Variants in AP3B1 observed in about 807,000 individuals in gnomAD.
AP3B1 encodes the protein AP-3 complex subunit beta-1.
In AP3B1, 61 loss-of-function variants were observed where a neutral mutation model predicts 132.5. That is an observed-to-expected ratio of 0.46 (90% confidence interval 0.37 to 0.57). The LOEUF (loss-of-function observed/expected upper bound fraction) is 0.57. Among genes scored for constraint, AP3B1 ranks in the 20% least tolerant of loss-of-function variants. The pLI is 0.00. For synonymous variants in AP3B1, 388 were observed against 438.3 expected (o/e 0.89, Z 1.43); for missense variants, 1,120 against 1,289.4 (o/e 0.87, Z 2.01).
chr5:78,003,276 C>A (rs1746259035), intron 26 of AP3B1, among the ~76,000 whole-genome samples: 1 of 152,098 alleles, frequency 6.6e-6, no homozygotes, highest in African/African-American at 2.4e-5. Context: ...ACATTTAAAA[C>A]AGAACAGAAA....
intron 12 of AP3B1, 110 bp from the exon 13 acceptor site, chr5:78,163,061 C>T (rs1276427807): frequency 2.0e-6 from 2 of 1,020,180 alleles, no homozygotes; most frequent in African/African-American, 3.2e-5. Context: ...ACATAAACTT[C>T]TCATAAGCAC....
At chr5:78,124,118 T>A (rs543965453) in intron 17 of AP3B1, among the ~76,000 whole-genome samples, 1 of 152,102 alleles carries the variant, frequency 6.6e-6, no homozygotes, top group African/African-American at 2.4e-5. Context: ...AAACACCACA[T>A]GTTCTCACTC....
intron 20 of AP3B1, among the ~76,000 whole-genome samples, chr5:78,108,126 C>G (rs1272523583): frequency 1.3e-5 from 2 of 151,820 alleles, no homozygotes; most frequent in Non-Finnish European, 2.9e-5. Context: ...ATGCTCAGTG[C>G]CCTCAAAACA....
intron 21 of AP3B1, among the ~76,000 whole-genome samples, chr5:78,095,724 T>C (rs1475451921): frequency 6.6e-6 from 1 of 152,196 alleles, no homozygotes; most frequent in Non-Finnish European, 1.5e-5. Context: ...CTAAATTCTA[T>C]TTATCTATTA....
At chr5:78,137,435 T>C (rs1383083607) in intron 15 of AP3B1, among the ~76,000 whole-genome samples, 1 of 152,178 alleles carries the variant, frequency 6.6e-6, no homozygotes, top group Non-Finnish European at 1.5e-5. Flanking sequence ...TCCTTAACTT[T>C]CCAATGTCTG....
At chr5:78,111,439 G>C (rs1751587374) in intron 19 of AP3B1, among the ~76,000 whole-genome samples, 1 of 152,094 alleles carries the variant, frequency 6.6e-6, no homozygotes, top group Non-Finnish European at 1.5e-5. Flanking sequence ...GTCCACTGGA[G>C]GATACAGATA....
chr5:78,195,751 T>C (rs1051409671), intron 7 of AP3B1, among the ~76,000 whole-genome samples: 5 of 151,640 alleles, frequency 3.3e-5, no homozygotes, highest in Non-Finnish European at 7.4e-5. Flanking sequence ...ACCCGGGAGG[T>C]GGAGGCTGCA....
At chr5:78,287,951 A>T (rs1281239943) in intron 1 of AP3B1, among the ~76,000 whole-genome samples, 1 of 152,216 alleles carries the variant, frequency 6.6e-6, no homozygotes, top group African/African-American at 2.4e-5. Context: ...GTATAACAGT[A>T]TGCTGACAAA....
chr5:78,170,860 T>G (rs951781152), intron 11 of AP3B1, among the ~76,000 whole-genome samples: 1 of 152,214 alleles, frequency 6.6e-6, no homozygotes. Flanking sequence ...GTTTTTATGG[T>G]TTTAGCTCTA....
At chr5:78,160,568 C>T (rs1302323070) in intron 13 of AP3B1, among the ~76,000 whole-genome samples, 1 of 151,930 alleles carries the variant, frequency 6.6e-6, no homozygotes, top group East Asian at 1.9e-4. Context: ...AACAATTGAG[C>T]CTAAATGTCC....
chr5:78,164,152 T>C (rs1369462428), intron 12 of AP3B1, among the ~76,000 whole-genome samples: 1 of 152,062 alleles, frequency 6.6e-6, no homozygotes, highest in African/African-American at 2.4e-5. Context: ...TTAATTTCCT[T>C]AAAGAAAAAT....
At chr5:78,183,841 T>G (rs1744478508) in intron 7 of AP3B1, among the ~76,000 whole-genome samples, 1 of 134,192 alleles carries the variant, frequency 7.5e-6, no homozygotes, top group Non-Finnish European at 1.5e-5. Context: ...CCCTCCAGCC[T>G]GGGCAACAAG....
At chr5:78,024,532 G>A (rs1036998748) in intron 24 of AP3B1, among the ~76,000 whole-genome samples, 1 of 150,690 alleles carries the variant, frequency 6.6e-6, no homozygotes, top group Non-Finnish European at 1.5e-5. Flanking sequence ...TGGGACTACA[G>A]GCACATGCCA....
intron 23 of AP3B1, among the ~76,000 whole-genome samples, chr5:78,036,400 G>T (rs1747808615): frequency 6.6e-6 from 1 of 152,078 alleles, no homozygotes; most frequent in African/African-American, 2.4e-5. Flanking sequence ...TGTAGAAGTG[G>T]CTGAAAAACA....
chr5:78,071,707 T>C (rs1749550469), intron 22 of AP3B1, among the ~76,000 whole-genome samples: 1 of 152,188 alleles, frequency 6.6e-6, no homozygotes, highest in South Asian at 2.1e-4. Context: ...ACCTATTATG[T>C]ATTAAGCACT....
intron 1 of AP3B1, among the ~76,000 whole-genome samples, chr5:78,292,500 G>A (rs540809446): frequency 6.6e-6 from 1 of 152,106 alleles, no homozygotes; most frequent in Non-Finnish European, 1.5e-5. Context: ...TCTAATATTA[G>A]AGCCCCTGAG....
At chr5:78,204,869 T>C (rs2112458024) in intron 7 of AP3B1, among the ~76,000 whole-genome samples, 1 of 152,308 alleles carries the variant, frequency 6.6e-6, no homozygotes, top group Middle Eastern at 3.4e-3. Flanking sequence ...CTTAAATGTT[T>C]GAATGGTTGC....
chr5:78,270,485 T>TAA (rs1748503398), intron 1 of AP3B1, among the ~76,000 whole-genome samples: 1 of 152,086 alleles, frequency 6.6e-6, no homozygotes, highest in Non-Finnish European at 1.5e-5. Flanking sequence ...AAAAAGGATG[T>TAA]ATAAAAATAT....
At chr5:78,190,548 G>A (rs1744784630) in intron 7 of AP3B1, among the ~76,000 whole-genome samples, 1 of 152,144 alleles carries the variant, frequency 6.6e-6, no homozygotes, top group Admixed American at 6.5e-5. Flanking sequence ...AAACAGAATG[G>A]ATACGTACAC....
Sources: gnomAD v4.1 joint callset for allele counts (sites outside exome capture counted in the v4.1 genomes callset) on GRCh38, gnomAD v4.1.1 for gene constraint, MANE v1.5 for transcripts, NCBI Gene and HGNC (gene_info 2026-07-23, HGNC 2026-07-21) for gene names.